KCND3: variants seen among roughly 807,000 people sequenced by gnomAD.
KCND3 encodes potassium voltage-gated channel subfamily D member 3.
A neutral mutation model predicts 51.1 loss-of-function variants in KCND3; 9 were observed. The ratio of observed to expected loss-of-function variants is 0.18; its 90% CI spans 0.11 to 0.31. The LOEUF (loss-of-function observed/expected upper bound fraction) is 0.31. Among genes scored for constraint, KCND3 ranks in the 10% least tolerant of loss-of-function variants. The pLI is 1.00. For synonymous variants in KCND3, 349 were observed against 368.0 expected (o/e 0.95, Z 0.59); for missense variants, 526 against 903.8 (o/e 0.58, Z 5.36).
chr1:111,935,066 T>C (rs980628735), intron 2 of KCND3, among the ~76,000 whole-genome samples: 2 of 152,184 alleles, frequency 1.3e-5, no homozygotes, highest in African/African-American at 4.8e-5. Flanking sequence ...TAAAGCCAAA[T>C]CCATCTATCT....
chr1:111,796,284 T>C (rs1335173216), intron 2 of KCND3, among the ~76,000 whole-genome samples: 1 of 152,188 alleles, frequency 6.6e-6, no homozygotes, highest in African/African-American at 2.4e-5. Context: ...CGGAGTGGTA[T>C]TGCCTAGGTT....
intron 2 of KCND3, among the ~76,000 whole-genome samples, chr1:111,927,159 G>C (rs558574722): frequency 6.6e-6 from 1 of 152,222 alleles, no homozygotes; most frequent in East Asian, 1.9e-4. Context: ...GAGTCACACA[G>C]CTGGGAATGT....
At chr1:111,850,679 C>T (rs1175234498) in intron 2 of KCND3, among the ~76,000 whole-genome samples, 1 of 152,186 alleles carries the variant, frequency 6.6e-6, no homozygotes. Context: ...CTGGGGACCA[C>T]TGCACCAGGA....
chr1:111,898,475 G>A (rs1333959441), intron 2 of KCND3, among the ~76,000 whole-genome samples: 1 of 152,142 alleles, frequency 6.6e-6, no homozygotes, highest in Non-Finnish European at 1.5e-5. Context: ...GGTGGTGCAC[G>A]TGGCCATCTC....
At chr1:111,835,360 G>T (rs1477626517) in intron 2 of KCND3, among the ~76,000 whole-genome samples, 2 of 152,148 alleles carry the variant, frequency 1.3e-5, no homozygotes, top group Non-Finnish European at 2.9e-5. Context: ...TCTGTCAGAG[G>T]TGTTTGAACC....
chr1:111,779,192 G>C (rs1174377213), intron 5 of KCND3, among the ~76,000 whole-genome samples: 1 of 152,144 alleles, frequency 6.6e-6, no homozygotes, highest in Non-Finnish European at 1.5e-5. Context: ...AGGCATGGTG[G>C]TCTGTACCTG....
chr1:111,895,699 C>A (rs915354230), intron 2 of KCND3, among the ~76,000 whole-genome samples: 1 of 152,190 alleles, frequency 6.6e-6, no homozygotes, highest in Non-Finnish European at 1.5e-5. Flanking sequence ...AATGCGCTAG[C>A]GCGCCTGCCG....
chr1:111,929,201 G>A (rs1249523599), intron 2 of KCND3, among the ~76,000 whole-genome samples: 1 of 152,090 alleles, frequency 6.6e-6, no homozygotes, highest in Non-Finnish European at 1.5e-5. Context: ...CCCACCTCTG[G>A]TACCTGGGCA....
intron 2 of KCND3, among the ~76,000 whole-genome samples, chr1:111,912,503 T>C (rs141253216): frequency 1.2e-3 from 186 of 152,256 alleles, no homozygotes; most frequent in Non-Finnish European, 2.1e-3. Context: ...TGTCCTCCTA[T>C]GTAGAAAAAA....
At chr1:111,804,964 T>C (rs1008424283) in intron 2 of KCND3, among the ~76,000 whole-genome samples, 29 of 152,226 alleles carry the variant, frequency 1.9e-4, no homozygotes, top group Non-Finnish European at 3.1e-4. Context: ...CACCTCCCTG[T>C]CCCATGCTCC....
At chr1:111,853,244 A>T (rs906500184) in intron 2 of KCND3, among the ~76,000 whole-genome samples, 3 of 152,222 alleles carry the variant, frequency 2.0e-5, no homozygotes, top group Non-Finnish European at 4.4e-5. Context: ...AAGTCATTTC[A>T]TCTTTTTTGA....
intron 2 of KCND3, among the ~76,000 whole-genome samples, chr1:111,816,673 T>C (rs76967791): frequency 1.3e-5 from 2 of 152,242 alleles, no homozygotes; most frequent in African/African-American, 2.4e-5. Context: ...ATAGGTATTA[T>C]TGCCAACTGT....
intron 2 of KCND3, among the ~76,000 whole-genome samples, chr1:111,859,856 G>A (rs1390659428): frequency 6.6e-6 from 1 of 152,234 alleles, no homozygotes; most frequent in Non-Finnish European, 1.5e-5. Flanking sequence ...GCCCAAGGAG[G>A]TGGGTAGTAT....
At chr1:111,806,301 C>T (rs1442572126) in intron 2 of KCND3, among the ~76,000 whole-genome samples, 2 of 152,236 alleles carry the variant, frequency 1.3e-5, no homozygotes, top group East Asian at 1.9e-4. Flanking sequence ...CCCTGCTTAT[C>T]GTGGACATGC....
intron 2 of KCND3, among the ~76,000 whole-genome samples, chr1:111,863,464 T>C (rs1056372888): frequency 1.3e-5 from 2 of 152,250 alleles, no homozygotes; most frequent in Admixed American, 6.5e-5. Context: ...AATCTGAATC[T>C]TGAAGAATGA....
At chr1:111,805,020 G>A (rs1265739938) in intron 2 of KCND3, among the ~76,000 whole-genome samples, 2 of 152,176 alleles carry the variant, frequency 1.3e-5, no homozygotes, top group South Asian at 4.1e-4. Context: ...GAAGCACAGG[G>A]AGATCCTCCC....
intron 2 of KCND3, among the ~76,000 whole-genome samples, chr1:111,904,454 CTTTACTT>C (rs1670544998): frequency 6.6e-6 from 1 of 152,196 alleles, no homozygotes; most frequent in Non-Finnish European, 1.5e-5. Flanking sequence ...TTCCCTCTTG[CTTTACTT>C]TTTGCCTGTG....
intron 2 of KCND3, among the ~76,000 whole-genome samples, chr1:111,905,228 T>C (rs1357140385): frequency 6.6e-6 from 1 of 152,210 alleles, no homozygotes; most frequent in Non-Finnish European, 1.5e-5. Context: ...TAAGCATCTG[T>C]GACCACACAG....
chr1:111,932,180 T>C (rs1216455912), intron 2 of KCND3, among the ~76,000 whole-genome samples: 1 of 152,150 alleles, frequency 6.6e-6, no homozygotes, highest in African/African-American at 2.4e-5. Flanking sequence ...CAGGAAACTC[T>C]CCCTTTCTTA....
Sources: gnomAD v4.1 joint callset for allele counts (sites outside exome capture counted in the v4.1 genomes callset) on GRCh38, gnomAD v4.1.1 for gene constraint, MANE v1.5 for transcripts, NCBI Gene and HGNC (gene_info 2026-07-23, HGNC 2026-07-21) for gene names.